SPECC1L: variants seen among roughly 807,000 people sequenced by gnomAD.
The protein encoded by SPECC1L is sperm antigen with calponin homology and coiled-coil domains 1 like.
Under a neutral mutation model 116.8 loss-of-function variants are expected in SPECC1L, and 40 were observed. The observed-to-expected ratio is 0.34, with a 90% CI of 0.27 to 0.45. SPECC1L has a LOEUF of 0.45. SPECC1L is among the 20% of genes least tolerant of loss of function. SPECC1L has a pLI of 1.00. For synonymous variants in SPECC1L, 504 were observed against 500.6 expected (o/e 1.01, Z -0.09); for missense variants, 1,110 against 1,373.6 (o/e 0.81, Z 3.03).
chr22:24,318,701 C>CAAG (rs2040655610), intron 4 of SPECC1L, among the ~76,000 whole-genome samples: 1 of 152,144 alleles, frequency 6.6e-6, no homozygotes, highest in Non-Finnish European at 1.5e-5. Flanking sequence ...GGGCAGATCA[C>CAAG]TTGAGCCTAG....
intron 2 of SPECC1L, among the ~76,000 whole-genome samples, chr22:24,281,138 G>A (rs1174246618): frequency 2.0e-5 from 3 of 152,120 alleles, no homozygotes; most frequent in Admixed American, 1.3e-4. Flanking sequence ...AAGGAAGGAT[G>A]TTTTGTATTT....
intron 10 of SPECC1L, among the ~76,000 whole-genome samples, chr22:24,345,477 C>T (rs2041273165): frequency 6.6e-6 from 1 of 152,142 alleles, no homozygotes; most frequent in African/African-American, 2.4e-5. Context: ...TAAAACTTCT[C>T]TGAAAGACGT....
intron 11 of SPECC1L, among the ~76,000 whole-genome samples, chr22:24,353,530 G>A (rs924296586): frequency 6.6e-6 from 1 of 151,832 alleles, no homozygotes; most frequent in South Asian, 2.1e-4. Flanking sequence ...TTAGCCTCCC[G>A]AGTAGCTGGG....
At chr22:24,302,619 T>G (rs539795743) in intron 3 of SPECC1L, among the ~76,000 whole-genome samples, 1 of 152,288 alleles carries the variant, frequency 6.6e-6, no homozygotes, top group South Asian at 2.1e-4. Flanking sequence ...ACCTGCCTTG[T>G]GCAGGATGCT....
Position 24,338,418 on chromosome 22 carries a change from A to G in SPECC1L, c.2593A>G (p.Thr865Ala). The G allele has an allele frequency of 6.2e-7, 1 of 1,613,964 alleles. No individual in the cohort carries two copies. The highest frequency in any genetic ancestry group is 8.5e-7 in the Non-Finnish European group (1 of 1,179,964). ...PNPAAAAIPR[T>A]PLSPSPMKTP... ...CCCTGCTGCAGCTGCAATTCCTCGA[A>G]CGCCCCTGAGCCCAAGTCCTATGAA... Residue 865 changes from threonine to alanine, a missense_variant, in exon 10 of 17, where the codon ACG (threonine) becomes GCG (alanine). By Grantham distance (58) the Thr-to-Ala change is moderately conservative. Around this residue, in one of 4 missense-constraint regions of SPECC1L, gnomAD observed 575 missense variants for 682.4 expected, o/e 0.84. Transcript: ENST00000314328.
In SPECC1L at chr22:24,411,353, A is replaced by G. The variant is rs5760399; in HGVS notation, c.3088-235A>G. On this transcript the variant is annotated intron_variant, in intron 14 of 16. Coordinates refer to ENST00000314328, the MANE Select transcript of SPECC1L (RefSeq NM_015330.6). ...ACAGCTAGTAAGTCAGCAAGACGCC[A>G]CGTGTTATACCAGGCCCAGGCGTGA... Among the ~76,000 whole-genome samples the G allele has an allele frequency of 7.4e-3, 1,124 of 152,146 alleles. 70 individuals carry two copies. The South Asian group carries it at 0.12, about 16-fold the overall frequency.
In SPECC1L at chr22:24,412,633, C is replaced by G; in HGVS notation, c.3205-15C>G. ...GCCTTGTTCATGCACTGCAGTGACA[C>G]AGTTTCTTTTACAGAGAAGGAACTT... On this transcript the variant is annotated splice_polypyrimidine_tract_variant and intron_variant, in intron 15 of 16. Transcript: ENST00000314328. 1.2e-6 allele frequency: 2 copies of G among 1,613,994 alleles called. No homozygotes were observed. Among genetic ancestry groups the G allele is most frequent in the Non-Finnish European group, 1.7e-6 (2 of 1,179,896 alleles).
intron 11 of SPECC1L, among the ~76,000 whole-genome samples, chr22:24,354,114 A>G (rs941428546): frequency 2.0e-5 from 3 of 152,116 alleles, no homozygotes; most frequent in Admixed American, 2.0e-4. Flanking sequence ...ACACTTTTAA[A>G]CAACCAGATC....
chr22:24,416,888 C>T lies in SPECC1L; in HGVS notation c.*2265C>T, dbSNP rs1196656304. The T allele has an allele frequency of 2.0e-5, 3 of 152,374 alleles. No homozygotes were observed. Among genetic ancestry groups the T allele is most frequent in the African/African-American group, 7.2e-5 (3 of 41,464 alleles). The allele number at this position is 152,374 out of a possible 1,614,324, so 9.4% of individuals were successfully genotyped here. On this transcript the variant is annotated 3_prime_UTR_variant, in exon 17 of 17. Coordinates refer to ENST00000314328, the MANE Select transcript of SPECC1L (RefSeq NM_015330.6). ...ACGGGGAGGGCTTGGCCCCGCCTAT[C>T]TAGAGGCTTGCCTCGGGCCCCTCCT...
At chr22:24,378,674 G>A (rs1263731546) in intron 14 of SPECC1L, among the ~76,000 whole-genome samples, 1 of 152,166 alleles carries the variant, frequency 6.6e-6, no homozygotes, top group Non-Finnish European at 1.5e-5. Flanking sequence ...AAGGAATAGG[G>A]AAGCCCAAGG....
intron 14 of SPECC1L, among the ~76,000 whole-genome samples, chr22:24,371,390 A>T (rs1030674817): frequency 6.6e-5 from 10 of 152,134 alleles, no homozygotes; most frequent in Non-Finnish European, 5.9e-5. Context: ...AGATGAGAGG[A>T]TCACTTGAGC....
chr22:24,342,649 G>A (rs1328135211), intron 10 of SPECC1L, among the ~76,000 whole-genome samples: 3 of 149,432 alleles, frequency 2.0e-5, no homozygotes, highest in Non-Finnish European at 4.4e-5. Context: ...CTCCAGCCTG[G>A]GCTACAGAGC....
rs868733385 is a variant in SPECC1L at position 24,383,671 on chromosome 22, T to G, written c.3087+14351T>G. 4.6e-5 allele frequency among the ~76,000 whole-genome samples: 7 copies of G among 152,142 alleles called. 1 individual carries two copies. The Middle Eastern group carries it at 0.024, about 517-fold the overall frequency. On this transcript the variant is annotated intron_variant, in intron 14 of 16. Transcript: ENST00000314328. The stretch of plus-strand genomic sequence containing the variant: ...TGATTTTATTTTTTGAGACAGAGTT[T>G]CATTCTTCTTGCCTGAGTACAATGG...
chr22:24,280,471 T>A (rs1488171144), intron 2 of SPECC1L, among the ~76,000 whole-genome samples: 1 of 151,808 alleles, frequency 6.6e-6, no homozygotes, highest in East Asian at 1.9e-4. Context: ...GTTTTAGTCA[T>A]TGAAGACCTT....
rs1265339157 is a variant in SPECC1L at position 24,313,529 on chromosome 22, G to A, written c.307+63G>A. 8.9e-5 allele frequency: 139 copies of A among 1,568,684 alleles called. 1 individual carries two copies. The highest frequency in any genetic ancestry group is 1.1e-4 in the Non-Finnish European group (127 of 1,141,448). ...TTTGTTTGAATGGGCATGATGCATT[G>A]GTGTTTACAGTGTTCCATCTAATTA... On this transcript the variant is annotated intron_variant, in intron 4 of 16. Transcript: ENST00000314328.
In SPECC1L at chr22:24,344,636, A is replaced by G. The variant is rs1601586200; in HGVS notation, c.2653-2450A>G. Among the ~76,000 whole-genome samples the G allele has an allele frequency of 2.0e-5, 3 of 151,948 alleles. 1 individual carries two copies. In the Middle Eastern group the frequency reaches 0.01, roughly 517 times the overall value. On this transcript the variant is annotated intron_variant, in intron 10 of 16. Coordinates refer to ENST00000314328, the MANE Select transcript of SPECC1L (RefSeq NM_015330.6). Reference sequence around the variant, plus strand: ...GAAAGAAAAGCATACAAGTTTGGAAAGGGTAAAGTAAAACTGTCATTATTT... The same window carrying G: ...GAAAGAAAAGCATACAAGTTTGGAAGGGGTAAAGTAAAACTGTCATTATTT...
At chr22:24,274,398 A>G (rs1332434174) in intron 1 of SPECC1L, among the ~76,000 whole-genome samples, 5 of 152,224 alleles carry the variant, frequency 3.3e-5, no homozygotes, top group Non-Finnish European at 7.3e-5. Context: ...TTATTGTGAC[A>G]TACTCTTAAA....
At chr22:24,275,450 T>A (rs989704753) in intron 1 of SPECC1L, among the ~76,000 whole-genome samples, 13 of 152,260 alleles carry the variant, frequency 8.5e-5, no homozygotes, top group African/African-American at 3.1e-4. Flanking sequence ...TGTCTTATTT[T>A]GGCACCCAGA....
chr22:24,396,486 C>A (rs2042371653), intron 14 of SPECC1L, among the ~76,000 whole-genome samples: 1 of 152,058 alleles, frequency 6.6e-6, no homozygotes, highest in African/African-American at 2.4e-5. Flanking sequence ...TTAGTTGAGA[C>A]AGAGTTTCAC....
Sources: allele counts gnomAD v4.1 joint callset (sites outside exome capture counted in the v4.1 genomes callset), GRCh38; gene constraint gnomAD v4.1.1; regional missense constraint gnomAD v4.1.1; transcripts MANE v1.5; gene names NCBI Gene and HGNC (gene_info 2026-07-23, HGNC 2026-07-21).